GALNT12: variants seen among roughly 807,000 people sequenced by gnomAD.
The protein encoded by GALNT12 is UDP-GalNAc:polypeptide N-acetylgalactosaminyltransferase 12.
Under a neutral mutation model 55.5 loss-of-function variants are expected in GALNT12, and 45 were observed. The ratio of observed to expected loss-of-function variants is 0.81; its 90% confidence interval spans 0.64 to 1.04. The LOEUF is 1.04. Among genes scored for constraint, GALNT12 ranks in the 50% least tolerant of loss-of-function variants. The pLI is 0.00. For synonymous variants in GALNT12, 304 were observed against 312.2 expected, an observed-to-expected ratio of 0.97 and a Z score of 0.28; for missense variants, 709 against 754.8, an observed-to-expected ratio of 0.94 and a Z score of 0.71.
intron 8 of GALNT12, 128 bp from the exon 9 acceptor site, chr9:98,845,849 G>C (rs571535653): frequency 2.2e-6 from 2 of 910,170 alleles, no homozygotes; most frequent in Non-Finnish European, 3.5e-6. Context: ...ACACAGGCTC[G>C]TGTTGGTGGT....
Position 98,840,141 on chromosome 9 carries a change from A to G in GALNT12, c.1344+8A>G. ...CCTGGCTTCTTCGGGATGGTGAGTGAGGGTGGTGGGCCCACGGCAGGCAGG... is the reference window on the plus strand; with the variant it reads ...CCTGGCTTCTTCGGGATGGTGAGTGGGGGTGGTGGGCCCACGGCAGGCAGG... On this transcript the variant is annotated splice_region_variant and intron_variant, in intron 7 of 9. Transcript: ENST00000375011. 1.2e-6 allele frequency: 2 copies of G among 1,612,966 alleles called. No homozygotes were observed. Among genetic ancestry groups the G allele is most frequent in the South Asian group, 2.2e-5 (2 of 91,016 alleles).
intron 2 of GALNT12, among the ~76,000 whole-genome samples, chr9:98,823,967 G>A (rs774921854): frequency 1.3e-4 from 20 of 152,188 alleles, no homozygotes; most frequent in Non-Finnish European, 1.5e-5. Context: ...AATCCTTGGG[G>A]CCTAGCTGAA....
chr9:98,831,988 T>C (rs1197406266), intron 4 of GALNT12, 31 bp downstream of exon 4: 1 of 1,587,308 alleles, frequency 6.3e-7, no homozygotes, highest in Non-Finnish European at 8.6e-7. Flanking sequence ...TGACTTGTTT[T>C]TTAAGCATGC....
chr9:98,823,156 C>A, intron 1 of GALNT12, 100 bp from the exon 2 acceptor site: 1 of 1,097,484 alleles, frequency 9.1e-7, no homozygotes, highest in Non-Finnish European at 1.4e-6. Flanking sequence ...GATTATGTCC[C>A]CTTCCGCAGG....
At chr9:98,810,206 G>T (rs1835465188) in intron 1 of GALNT12, among the ~76,000 whole-genome samples, 1 of 152,278 alleles carries the variant, frequency 6.6e-6, no homozygotes, top group African/African-American at 2.4e-5. Flanking sequence ...CACAGTGTGG[G>T]TATGGGGTTC....
chr9:98,836,983 T>A lies in GALNT12; in HGVS notation c.1047T>A (p.Cys349Ter). 6.2e-7 allele frequency: 1 copy of A among 1,614,126 alleles called. No homozygotes were observed. Among genetic ancestry groups the A allele is most frequent in the Non-Finnish European group, 8.5e-7 (1 of 1,180,024 alleles). ...TTCTCTGTGTGCAGATCTGGCAGTG[T>A]GGTGGGGTTCTGGAAACACACCCAT... ...NLEFSFRIWQ[C>*]GGVLETHPCS... The change falls in exon 6 of 10, where the codon TGT becomes TGA. Residue 349 changes from cysteine (C) to a stop codon, truncating the protein, a stop_gained. Coordinates refer to ENST00000375011, the MANE Select transcript of GALNT12 (RefSeq NM_024642.5). LOFTEE classifies it high-confidence loss of function.
intron 4 of GALNT12, 22 bp from the exon 5 acceptor site, chr9:98,835,227 T>A: frequency 6.7e-7 from 1 of 1,500,034 alleles, no homozygotes; most frequent in South Asian, 1.1e-5. Context: ...TACAGTGAAA[T>A]AAGGATATCA....
At chr9:98,813,255 A>T (rs1282412485) in intron 1 of GALNT12, among the ~76,000 whole-genome samples, 1 of 152,204 alleles carries the variant, frequency 6.6e-6, no homozygotes, top group Non-Finnish European at 1.5e-5. Context: ...TTGACATTTG[A>T]AGGTATTATT....
chr9:98,848,084 C>T (rs973597148), intron 9 of GALNT12, among the ~76,000 whole-genome samples: 4 of 152,046 alleles, frequency 2.6e-5, no homozygotes, highest in Non-Finnish European at 5.9e-5. Context: ...CAAAGTGCTG[C>T]GATTACAGGC....
chr9:98,849,199 T>C lies in GALNT12; in HGVS notation c.*107T>C, dbSNP rs960718364. 6 of 1,167,254 alleles carry C rather than the reference T, an allele frequency of 5.1e-6. No individual in the cohort carries two copies. The highest frequency in any genetic ancestry group is 7.6e-6 in the Non-Finnish European group (6 of 785,186). 72.3% of individuals were successfully genotyped at this position (1,167,254 alleles called of 1,614,324 possible). ...AGAACCCACCAAAAACTAGGCTGCA[T>C]TGCTTTGAAGAGGCAATCATTTTGC... On this transcript the variant is annotated 3_prime_UTR_variant, in exon 10 of 10. Coordinates refer to ENST00000375011, the MANE Select transcript of GALNT12 (RefSeq NM_024642.5).
intron 1 of GALNT12, among the ~76,000 whole-genome samples, chr9:98,811,968 C>G (rs1385018840): frequency 1.3e-5 from 2 of 152,172 alleles, no homozygotes; most frequent in Non-Finnish European, 2.9e-5. Context: ...TAGGCGTGAG[C>G]CACCATGCCC....
intron 2 of GALNT12, among the ~76,000 whole-genome samples, chr9:98,825,559 C>T (rs145993188): frequency 3.1e-3 from 472 of 152,332 alleles, no homozygotes; most frequent in Non-Finnish European, 4.6e-3. Flanking sequence ...AGATCCATCA[C>T]GAGTGCAGGG....
intron 5 of GALNT12, among the ~76,000 whole-genome samples, chr9:98,835,654 T>C (rs1481989983): frequency 6.6e-6 from 1 of 152,232 alleles, no homozygotes; most frequent in Non-Finnish European, 1.5e-5. Flanking sequence ...TCCTGTCTTC[T>C]GGAGCCTTTA....
At chr9:98,825,191 TG>T (rs1359440748) in intron 2 of GALNT12, among the ~76,000 whole-genome samples, 2 of 152,100 alleles carry the variant, frequency 1.3e-5, no homozygotes, top group East Asian at 3.8e-4. Flanking sequence ...AGTTGCAAAA[TG>T]AAAAAAACAG....
At chr9:98,835,012 T>C (rs1355992726) in intron 4 of GALNT12, among the ~76,000 whole-genome samples, 2 of 152,104 alleles carry the variant, frequency 1.3e-5, no homozygotes, top group Non-Finnish European at 2.9e-5. Flanking sequence ...TTAGTTAACA[T>C]ATTTAGCACA....
chr9:98,821,634 A>AAAAAAAAAAAAAAAAAAAAAG (rs1835743233), intron 1 of GALNT12, among the ~76,000 whole-genome samples: 1 of 150,760 alleles, frequency 6.6e-6, no homozygotes, highest in Non-Finnish European at 1.5e-5. Context: ...CAAAAAAAAA[A>AAAAAAAAAAAAAAAAAAAAAG]AAAGAAAGAA....
At chr9:98,813,573 C>G (rs926861741) in intron 1 of GALNT12, among the ~76,000 whole-genome samples, 2 of 151,878 alleles carry the variant, frequency 1.3e-5, no homozygotes, top group Non-Finnish European at 2.9e-5. Flanking sequence ...TCTCAGCTCA[C>G]TGCAACCTCC....
At position 98,849,598 on chromosome 9, in the gene GALNT12, A is replaced by G; in HGVS notation, c.*506A>G. The G allele has an allele frequency of 2.4e-6, 1 of 424,090 alleles. No homozygotes were observed. The highest frequency in any genetic ancestry group is 3.9e-5 in the Admixed American group (1 of 25,910). 26.3% of individuals were successfully genotyped at this position (424,090 alleles called of 1,614,324 possible). The stretch of plus-strand genomic sequence containing the variant: ...GACTGTCACTAGGAACATTGTATTG[A>G]TTTATTCAGGTCATTGAGATCTTCT... On this transcript the variant is annotated 3_prime_UTR_variant, in exon 10 of 10. Transcript: ENST00000375011.
chr9:98,819,302 C>T (rs1464282257), intron 1 of GALNT12, among the ~76,000 whole-genome samples: 2 of 152,182 alleles, frequency 1.3e-5, no homozygotes, highest in Non-Finnish European at 2.9e-5. Flanking sequence ...GAGCACAAAG[C>T]CTTCCACGGG....
Sources: gnomAD v4.1 joint callset for allele counts (sites outside exome capture counted in the v4.1 genomes callset) on GRCh38, gnomAD v4.1.1 for gene constraint, MANE v1.5 for transcripts, NCBI Gene and HGNC (gene_info 2026-07-23, HGNC 2026-07-21) for gene names.